Variants in SAXO1 observed in about 807,000 individuals in gnomAD.
SAXO1 encodes the protein 4930500O09Rik.
Under a neutral mutation model 17.5 loss-of-function variants are expected in SAXO1, and 21 were observed. That is an observed-to-expected ratio of 1.20 (90% CI 0.85 to 1.72). The LOEUF is 1.72. SAXO1 is among the 40% of genes most tolerant of loss of function. SAXO1 has a pLI of 0.00. For synonymous variants in SAXO1, 274 were observed against 216.5 expected (o/e 1.27, Z -2.33); for missense variants, 843 against 596.0 (o/e 1.41, Z -4.32).
At chr9:18,961,674 T>G (rs902317420) in intron 1 of SAXO1, among the ~76,000 whole-genome samples, 7 of 152,196 alleles carry the variant, frequency 4.6e-5, no homozygotes, top group African/African-American at 1.7e-4. Context: ...AACTCGTACT[T>G]TTTTATGGCT....
chr9:19,003,041 A>G (rs2130963593), intron 1 of SAXO1, among the ~76,000 whole-genome samples: 1 of 152,366 alleles, frequency 6.6e-6, no homozygotes, highest in South Asian at 2.1e-4. Flanking sequence ...CAACTTCAGC[A>G]AAGTCTCAGG....
chr9:19,027,354 G>C (rs1835529092), intron 1 of SAXO1: 1 of 780,952 alleles, frequency 1.3e-6, no homozygotes, highest in African/African-American at 1.7e-5. Context: ...ACGACTCGCG[G>C]GTGAAGGCCA....
chr9:18,970,563 T>C (rs993414865), intron 1 of SAXO1, among the ~76,000 whole-genome samples: 5 of 152,174 alleles, frequency 3.3e-5, no homozygotes, highest in Non-Finnish European at 1.5e-5. Flanking sequence ...CTGTGGTCGC[T>C]GCCACTGCTC....
Position 18,928,290 on chromosome 9 carries a change from G to T in SAXO1, c.1187C>A (p.Pro396His). ...GCTTTCCACAGGGACATTTCCTCGA[G>T]GGCCAGACCAATGAGGCTTACAGCT... ...TKSCKPHWSG[P>H]RGNVPVESQT... is the part of the protein sequence containing the mutation. Residue 396 changes from proline to histidine, a missense_variant, in exon 4 of 4, where the codon CCT becomes CAT. Physicochemically the swap from Pro to His is moderately conservative, Grantham distance 77. Coordinates refer to ENST00000380534, the MANE Select transcript of SAXO1 (RefSeq NM_153707.4). The T allele has an allele frequency of 1.2e-6, 2 of 1,612,718 alleles. No homozygotes were observed. The highest frequency in any genetic ancestry group is 1.7e-6 in the Non-Finnish European group (2 of 1,178,986).
chr9:18,983,845 G>A (rs1281049772), intron 1 of SAXO1, among the ~76,000 whole-genome samples: 1 of 152,158 alleles, frequency 6.6e-6, no homozygotes, highest in Non-Finnish European at 1.5e-5. Context: ...CTTTCCAGAA[G>A]GCCAATACCA....
intron 3 of SAXO1, among the ~76,000 whole-genome samples, chr9:18,938,425 A>T (rs1488128710): frequency 6.6e-6 from 1 of 152,124 alleles, no homozygotes; most frequent in African/African-American, 2.4e-5. Flanking sequence ...GGCATCCTAC[A>T]CGGCAGGAGC....
chr9:19,029,379 C>T (rs1162496628), intron 1 of SAXO1, among the ~76,000 whole-genome samples: 1 of 152,180 alleles, frequency 6.6e-6, no homozygotes, highest in Admixed American at 6.5e-5. Context: ...CAGTGACTCA[C>T]TCAGGAACCC....
At chr9:18,958,740 G>A (rs1832357579) in intron 1 of SAXO1, among the ~76,000 whole-genome samples, 1 of 152,170 alleles carries the variant, frequency 6.6e-6, no homozygotes, top group East Asian at 1.9e-4. Context: ...GAAGGGAAAG[G>A]AAGAGAAGAG....
intron 1 of SAXO1, among the ~76,000 whole-genome samples, chr9:19,010,640 T>C (rs1285963479): frequency 6.6e-6 from 1 of 152,178 alleles, no homozygotes; most frequent in Non-Finnish European, 1.5e-5. Flanking sequence ...TAGAAATATA[T>C]TATTTGGCTA....
At chr9:18,970,150 G>A (rs1392413423) in intron 1 of SAXO1, among the ~76,000 whole-genome samples, 1 of 152,182 alleles carries the variant, frequency 6.6e-6, no homozygotes, top group African/African-American at 2.4e-5. Context: ...TTGGATAAAT[G>A]CCACCATCCA....
intron 1 of SAXO1, among the ~76,000 whole-genome samples, chr9:18,964,291 G>A (rs1036003937): frequency 6.6e-6 from 1 of 152,178 alleles, no homozygotes; most frequent in African/African-American, 2.4e-5. Context: ...CTCATAAACG[G>A]AATTAGGGAG....
At chr9:18,960,770 G>C (rs892250285) in intron 1 of SAXO1, among the ~76,000 whole-genome samples, 2 of 149,722 alleles carry the variant, frequency 1.3e-5, no homozygotes, top group African/African-American at 5.0e-5. Context: ...AACAGAGCAA[G>C]ACCCTGTCTC....
intron 1 of SAXO1, among the ~76,000 whole-genome samples, chr9:18,967,078 G>A (rs1419972921): frequency 6.6e-6 from 1 of 152,208 alleles, no homozygotes; most frequent in Non-Finnish European, 1.5e-5. Context: ...AGAGGAGGCT[G>A]CAGAACAGCA....
At chr9:18,993,272 C>T (rs1011018628) in intron 1 of SAXO1, among the ~76,000 whole-genome samples, 1 of 148,066 alleles carries the variant, frequency 6.8e-6, no homozygotes, top group African/African-American at 2.5e-5. Flanking sequence ...CCTCCCCTTG[C>T]CCCCCACCCC....
intron 1 of SAXO1, among the ~76,000 whole-genome samples, chr9:19,000,498 T>G (rs1007364911): frequency 6.6e-6 from 1 of 151,542 alleles, no homozygotes; most frequent in Non-Finnish European, 1.5e-5. Flanking sequence ...CACTGCCCTG[T>G]CTGGGAAGTG....
intron 1 of SAXO1, among the ~76,000 whole-genome samples, chr9:19,019,257 C>T: frequency 6.6e-6 from 1 of 152,282 alleles, no homozygotes; most frequent in East Asian, 1.9e-4. Context: ...AAATGCTCTT[C>T]TTTGCTGAGA....
At chr9:19,022,065 G>A (rs1346537848) in intron 1 of SAXO1, among the ~76,000 whole-genome samples, 2 of 152,216 alleles carry the variant, frequency 1.3e-5, no homozygotes, top group African/African-American at 2.4e-5. Flanking sequence ...CCTTGGGTCC[G>A]CACTATCTTT....
chr9:18,930,179 G>A (rs530593580), intron 3 of SAXO1, among the ~76,000 whole-genome samples: 10 of 152,166 alleles, frequency 6.6e-5, no homozygotes, highest in Non-Finnish European at 1.2e-4. Flanking sequence ...TAATCAGAGG[G>A]AAGATTTTCA....
intron 1 of SAXO1, among the ~76,000 whole-genome samples, chr9:19,030,785 A>C (rs977663136): frequency 1.3e-5 from 2 of 152,242 alleles, no homozygotes; most frequent in Non-Finnish European, 2.9e-5. Flanking sequence ...ATTTTCACCC[A>C]GGGTGAATGG....
Sources: gnomAD v4.1 joint callset for allele counts (sites outside exome capture counted in the v4.1 genomes callset) on GRCh38, gnomAD v4.1.1 for gene constraint, MANE v1.5 for transcripts, NCBI Gene and HGNC (gene_info 2026-07-23, HGNC 2026-07-21) for gene names.